Variants in DPH6 observed in about 807,000 individuals in gnomAD.
The protein encoded by DPH6 is diphthine--ammonia ligase.
In DPH6, 33 loss-of-function variants were observed where a neutral mutation model predicts 38.2. That is an observed-to-expected ratio of 0.86 (90% CI 0.65 to 1.15). DPH6 has a LOEUF of 1.15. Among genes scored for constraint, DPH6 ranks in the 50% most tolerant of loss-of-function variants. The pLI, the probability that DPH6 is intolerant of heterozygous loss-of-function variation, is 0.00. For missense variants in DPH6, 325 were observed against 320.0 expected (o/e 1.02, Z -0.12); for synonymous variants, 108 against 103.0 (o/e 1.05, Z -0.30).
intron 3 of DPH6, among the ~76,000 whole-genome samples, chr15:35,355,796 C>T (rs1363712894): frequency 6.6e-6 from 1 of 152,146 alleles, no homozygotes; most frequent in East Asian, 1.9e-4. Flanking sequence ...GTCTTTGTGG[C>T]ATTCTCTGTA....
At chr15:35,368,537 G>A (rs998869469), downstream of DPH6, among the ~76,000 whole-genome samples, 1 of 151,904 alleles carries the variant, frequency 6.6e-6, no homozygotes, top group Non-Finnish European at 1.5e-5. Flanking sequence ...GCAAGGATTC[G>A]AATTAGTTGT....
At chr15:35,499,865 C>A (rs1182051837) in intron 3 of DPH6, among the ~76,000 whole-genome samples, 1 of 152,142 alleles carries the variant, frequency 6.6e-6, no homozygotes, top group Non-Finnish European at 1.5e-5. Context: ...TTGCTAATAG[C>A]GCAGCCAGGC....
chr15:35,546,128 G>A lies in DPH6; in HGVS notation c.14C>T (p.Ala5Val), dbSNP rs1201353075. MRVA[A>V]LISGGKDSCY... ...TCCAGGACCGCATTACCTGATCAGA[G>A]CCGCGACCCTCATGCTGGGCGCAGT... Residue 5 changes from alanine to valine, a missense_variant, in exon 1 of 9, where the codon GCT becomes GTT. Coordinates refer to ENST00000256538, the MANE Select transcript of DPH6 (RefSeq NM_080650.4). 1 of 1,406,732 alleles carries A rather than the reference G, an allele frequency of 7.1e-7. No individual in the cohort carries two copies. The highest frequency in any genetic ancestry group is 9.4e-7 in the Non-Finnish European group (1 of 1,066,216). The allele number at this position is 1,406,732 out of a possible 1,614,324, so 87.1% of individuals were successfully genotyped here. A position where few individuals can be genotyped will look rare whatever the true frequency, so the allele number is the denominator to read the frequency against.
chr15:35,288,986 A>C (rs928780699), intron 3 of DPH6, among the ~76,000 whole-genome samples: 1 of 152,224 alleles, frequency 6.6e-6, no homozygotes, highest in African/African-American at 2.4e-5. Flanking sequence ...AGTCCAGAAA[A>C]TAAAAGGCTT....
the DPH6 span, among the ~76,000 whole-genome samples, chr15:35,145,564 T>G: frequency 2.0e-5 from 3 of 152,344 alleles, no homozygotes; most frequent in South Asian, 6.2e-4. Context: ...AACAATACAC[T>G]TGCGCAGAAA....
At chr15:35,435,853 G>A (rs1325758006) in intron 5 of DPH6, among the ~76,000 whole-genome samples, 2 of 152,154 alleles carry the variant, frequency 1.3e-5, no homozygotes, top group East Asian at 3.9e-4. Flanking sequence ...CTTCTTCTGA[G>A]GGTAGAGGAA....
At chr15:35,447,026 G>A (rs1003759014) in intron 5 of DPH6, among the ~76,000 whole-genome samples, 2 of 151,886 alleles carry the variant, frequency 1.3e-5, no homozygotes, top group South Asian at 2.1e-4. Context: ...CCACCACCAC[G>A]CATGGCTAAT....
intron 3 of DPH6, among the ~76,000 whole-genome samples, chr15:35,227,538 A>G (rs62004391): frequency 0.15 from 23,235 of 151,114 alleles, 2,181 homozygotes; most frequent in South Asian, 0.29. Context: ...TTTTTTCCTT[A>G]GTCTGGCTAA....
At chr15:35,234,277 A>T (rs1227200593) in intron 3 of DPH6, among the ~76,000 whole-genome samples, 1 of 152,212 alleles carries the variant, frequency 6.6e-6, no homozygotes, top group Non-Finnish European at 1.5e-5. Flanking sequence ...CAACAAGGTA[A>T]GCATGATAGT....
At chr15:35,359,131 C>T (rs1162857804) in intron 3 of DPH6, among the ~76,000 whole-genome samples, 1 of 151,998 alleles carries the variant, frequency 6.6e-6, no homozygotes, top group Non-Finnish European at 1.5e-5. Context: ...ATCGCTGCCT[C>T]TGCTGAGTCA....
chr15:35,419,394 G>A (rs1300232200), intron 5 of DPH6, among the ~76,000 whole-genome samples: 5 of 152,016 alleles, frequency 3.3e-5, no homozygotes, highest in East Asian at 3.9e-4. Flanking sequence ...TCTACAGTTA[G>A]ACTTAAATGC....
chr15:35,306,247 T>G (rs1371658220), intron 3 of DPH6, among the ~76,000 whole-genome samples: 1 of 152,248 alleles, frequency 6.6e-6, no homozygotes, highest in Non-Finnish European at 1.5e-5. Flanking sequence ...AAGTTTATAA[T>G]ACAGTGTGTT....
intron 7 of DPH6, among the ~76,000 whole-genome samples, chr15:35,378,303 C>A (rs1029824550): frequency 1.3e-5 from 2 of 152,066 alleles, no homozygotes; most frequent in African/African-American, 4.8e-5. Flanking sequence ...GTTAGACTGG[C>A]GATCATTAAA....
intron 3 of DPH6, among the ~76,000 whole-genome samples, chr15:35,279,068 A>AAAAATATATATATATATAT (rs1555390826): frequency 9.7e-6 from 1 of 102,992 alleles, no homozygotes; most frequent in African/African-American, 4.8e-5. Flanking sequence ...AAAAAAAAAA[A>AAAAATATATATATATATAT]ATATATATAT....
At chr15:35,399,657 CATCACATACATTTAGTCAGGA>C (rs2053191802) in intron 6 of DPH6, among the ~76,000 whole-genome samples, 2 of 152,140 alleles carry the variant, frequency 1.3e-5, no homozygotes, top group African/African-American at 4.8e-5. Context: ...TGGAGAAAGT[CATCACATACATTTAGTCAGGA>C]ATCAGAATGG....
In DPH6 at chr15:35,456,782, G is replaced by T. The variant is rs552135671; in HGVS notation, c.313-1962C>A. ...ATTACAGGCGTGAGCCACTGTGCCT[G>T]GCTGTCAAATTACTATTAAAATAAT... On this transcript the variant is annotated intron_variant, in intron 3 of 8. Coordinates refer to ENST00000256538, the MANE Select transcript of DPH6 (RefSeq NM_080650.4). Among the ~76,000 whole-genome samples the T allele has an allele frequency of 1.7e-3, 262 of 151,954 alleles. 1 individual carries two copies. Among genetic ancestry groups the T allele is most frequent in the South Asian group, 7.3e-3 (35 of 4,812 alleles).
At chr15:35,500,966 C>G (rs2054618967) in intron 3 of DPH6, among the ~76,000 whole-genome samples, 1 of 152,100 alleles carries the variant, frequency 6.6e-6, no homozygotes, top group Non-Finnish European at 1.5e-5. Flanking sequence ...GTCTTGAATT[C>G]CTGACCTCAG....
At chr15:35,444,347 G>C (rs1290792370) in intron 5 of DPH6, among the ~76,000 whole-genome samples, 1 of 152,144 alleles carries the variant, frequency 6.6e-6, no homozygotes, top group Non-Finnish European at 1.5e-5. Context: ...AGTGTAGCAT[G>C]AGAAAGACAA....
At chr15:35,209,947 C>G in the DPH6 span, among the ~76,000 whole-genome samples, 1 of 152,146 alleles carries the variant, frequency 6.6e-6, no homozygotes, top group African/African-American at 2.4e-5. Context: ...TCTTTAAGTT[C>G]TGCCAGGTAT....
Sources: gnomAD v4.1 joint callset for allele counts (sites outside exome capture counted in the v4.1 genomes callset) on GRCh38, gnomAD v4.1.1 for gene constraint, MANE v1.5 for transcripts, NCBI Gene and HGNC (gene_info 2026-07-23, HGNC 2026-07-21) for gene names.